Variants in MYO9A observed in about 807,000 individuals in gnomAD.
The protein encoded by MYO9A is myosin IXA.
In MYO9A, 103 loss-of-function variants were observed where a neutral mutation model predicts 293.3. The ratio of observed to expected loss-of-function variants is 0.35; its 90% CI spans 0.30 to 0.41. The LOEUF (loss-of-function observed/expected upper bound fraction) is 0.41, where lower values mean the gene tolerates loss of function less well. Ranked by LOEUF, MYO9A falls within the 10% of genes least tolerant of loss-of-function variation. The pLI, the probability that MYO9A is intolerant of heterozygous loss-of-function variation, is 1.00. For synonymous variants in MYO9A, 1,001 were observed against 1,035.7 expected, an observed-to-expected ratio of 0.97 and a Z score of 0.64; for missense variants, 2,685 against 3,033.0, an observed-to-expected ratio of 0.89 and a Z score of 2.69.
chr15:71,871,041 T>A (rs2142073023), intron 32 of MYO9A, among the ~76,000 whole-genome samples: 1 of 152,252 alleles, frequency 6.6e-6, no homozygotes, highest in South Asian at 2.1e-4. Flanking sequence ...TAAAATAAAT[T>A]CAAGAATGAT....
rs764196364 is a variant in MYO9A at position 71,903,016 on chromosome 15, T to C, written c.2925A>G (p.Pro975=). The C allele has an allele frequency of 6.3e-7, 1 of 1,589,398 alleles. No individual in the cohort carries two copies. The highest frequency in any genetic ancestry group is 2.2e-5 in the East Asian group (1 of 44,628). Residue 975 remains proline (P), a synonymous_variant, in exon 22 of 42, where the codon CCA becomes CCG. Transcript: ENST00000356056. ...AGAAATCCTGAATGTTAAATTTGGA[T>C]GGAATAATATTTCGGGGAAGAAGTA... is the stretch of plus-strand genomic sequence containing the variant. ...FHVLLPRNII[P]SKFNIQDFFR... is the part of the protein sequence containing the mutation.
At chr15:71,880,650 C>A (rs2056847042) in intron 28 of MYO9A, 92 bp from the exon 29 acceptor site, 2 of 1,113,934 alleles carry the variant, frequency 1.8e-6, no homozygotes, top group African/African-American at 3.1e-5. Context: ...TTTAACAAGT[C>A]ACTGAAGGAA....
rs60518266 is a variant in MYO9A at position 72,077,733 on chromosome 15, GAAAAAAAAA to G, written c.-71-31108_-71-31100del. The stretch of plus-strand genomic sequence containing the variant: ...CAACAGAGTGAGACTCTGTCTCAAA[GAAAAAAAAA>G]AAAAAAAAAAATATATATATATATA... On this transcript the variant is annotated intron_variant, in intron 1 of 41. Coordinates refer to ENST00000356056, the MANE Select transcript of MYO9A (RefSeq NM_006901.4). Among the ~76,000 whole-genome samples the G allele has an allele frequency of 2.2e-3, 191 of 87,412 alleles. 1 individual carries two copies. Among genetic ancestry groups the G allele is most frequent in the African/African-American group, 7.0e-3 (170 of 24,336 alleles). The allele number at this position is 87,412 out of a possible 152,430, so 57.3% of individuals were successfully genotyped here. A position where few individuals can be genotyped will look rare whatever the true frequency, so the allele number is the denominator to read the frequency against.
chr15:71,927,321 T>C (rs990119578), intron 18 of MYO9A, among the ~76,000 whole-genome samples: 2 of 152,240 alleles, frequency 1.3e-5, no homozygotes, highest in Admixed American at 1.3e-4. Flanking sequence ...CATCATTCTG[T>C]TGATTAGTTC....
intron 32 of MYO9A, among the ~76,000 whole-genome samples, chr15:71,866,086 T>C (rs905360024): frequency 6.6e-6 from 1 of 152,232 alleles, no homozygotes; most frequent in African/African-American, 2.4e-5. Context: ...TTGCAGGCAC[T>C]GCCTTGATTC....
At chr15:72,071,389 A>AG (rs2150174540) in intron 1 of MYO9A, among the ~76,000 whole-genome samples, 1 of 152,324 alleles carries the variant, frequency 6.6e-6, no homozygotes, top group Non-Finnish European at 1.5e-5. Flanking sequence ...AAAGTCAAAA[A>AG]AATAAGAGAT....
intron 12 of MYO9A, among the ~76,000 whole-genome samples, chr15:71,970,845 C>A (rs2075990549): frequency 6.6e-6 from 1 of 152,066 alleles, no homozygotes. Context: ...ACCCTCGTAG[C>A]TTTCGGGTAA....
At chr15:71,945,919 C>CTATT in intron 15 of MYO9A, among the ~76,000 whole-genome samples, 1 of 152,170 alleles carries the variant, frequency 6.6e-6, no homozygotes, top group Non-Finnish European at 1.5e-5. Flanking sequence ...TCCTAGGCTA[C>CTATT]TAAAAGTTTT....
intron 1 of MYO9A, among the ~76,000 whole-genome samples, chr15:72,082,209 T>C (rs905739505): frequency 1.3e-5 from 2 of 152,282 alleles, no homozygotes; most frequent in Admixed American, 6.5e-5. Flanking sequence ...CTTTCAGCAG[T>C]GTTTTCTAGT....
intron 18 of MYO9A, among the ~76,000 whole-genome samples, chr15:71,932,460 C>CT (rs2058504362): frequency 6.6e-6 from 1 of 151,898 alleles, no homozygotes; most frequent in Non-Finnish European, 1.5e-5. Context: ...TCTGCTCTAG[C>CT]TTTATTGCTG....
At chr15:71,921,673 AAAG>A (rs1466831210) in intron 18 of MYO9A, among the ~76,000 whole-genome samples, 1 of 152,224 alleles carries the variant, frequency 6.6e-6, no homozygotes, top group Non-Finnish European at 1.5e-5. Context: ...AAATGAATTA[AAAG>A]TAGTAAGAAG....
intron 18 of MYO9A, among the ~76,000 whole-genome samples, chr15:71,920,706 G>C (rs1393785846): frequency 6.6e-6 from 1 of 152,064 alleles, no homozygotes; most frequent in African/African-American, 2.4e-5. Context: ...CCAGCACTTC[G>C]GAAGGCTGAG....
intron 39 of MYO9A, among the ~76,000 whole-genome samples, chr15:71,848,040 G>A (rs939322774): frequency 1.3e-5 from 2 of 152,008 alleles, no homozygotes; most frequent in Admixed American, 6.5e-5. Flanking sequence ...GAGATTTATT[G>A]GGAATCTGAA....
chr15:71,968,226 C>T lies in MYO9A; in HGVS notation c.1845-101G>A. 3 of 995,430 alleles carry T rather than the reference C, an allele frequency of 3.0e-6. No homozygotes were observed. The East Asian group carries it at 8.2e-5, about 27-fold the overall frequency. 61.7% of individuals were successfully genotyped at this position (995,430 alleles called of 1,614,324 possible). ...AAGTACATTACAATTACATTGCCATCTTACATAGCAGTTTACAAAAGTTTT... is the reference window on the plus strand; with the variant it reads ...AAGTACATTACAATTACATTGCCATTTTACATAGCAGTTTACAAAAGTTTT... On this transcript the variant is annotated intron_variant, in intron 12 of 41. Transcript: ENST00000356056.
At position 71,826,951 on chromosome 15, in the gene MYO9A, A is replaced by G; in HGVS notation, c.7276T>C (p.Leu2426=). Residue 2426 remains leucine (L), a synonymous_variant, in exon 42 of 42, where the codon TTA becomes CTA. Coordinates refer to ENST00000356056, the MANE Select transcript of MYO9A (RefSeq NM_006901.4). ...RKQLKKQQDS[L]DVVDSSVSSL... is the part of the protein sequence containing the mutation. ...GAGACCGAAGAGTCCACGACATCTA[A>G]AGAGTCTTGCTGCTTTTTAAGTTGC... 6.2e-7 allele frequency: 1 copy of G among 1,614,060 alleles called. No individual in the cohort carries two copies. Among genetic ancestry groups the G allele is most frequent in the South Asian group, 1.1e-5 (1 of 91,076 alleles).
At chr15:71,850,638 C>T (rs2055594332) in intron 37 of MYO9A, among the ~76,000 whole-genome samples, 1 of 151,558 alleles carries the variant, frequency 6.6e-6, no homozygotes, top group Non-Finnish European at 1.5e-5. Flanking sequence ...TGGTGGCGCA[C>T]ACCTGTAATC....
chr15:72,077,144 GA>G (rs1380482277), intron 1 of MYO9A, among the ~76,000 whole-genome samples: 1 of 152,162 alleles, frequency 6.6e-6, no homozygotes, highest in Non-Finnish European at 1.5e-5. Context: ...CAGCATGGGG[GA>G]AAATCTTGGT....
At chr15:72,004,819 A>C (rs1478673755) in intron 8 of MYO9A, among the ~76,000 whole-genome samples, 2 of 152,174 alleles carry the variant, frequency 1.3e-5, no homozygotes, top group African/African-American at 4.8e-5. Flanking sequence ...AGGTAACTAC[A>C]AAAAAATAAC....
At chr15:71,924,113 C>A (rs540799809) in intron 18 of MYO9A, among the ~76,000 whole-genome samples, 1 of 151,978 alleles carries the variant, frequency 6.6e-6, no homozygotes, top group East Asian at 1.9e-4. Context: ...ATTTGTAGTT[C>A]AGAAGCATGT....
Sources: allele counts gnomAD v4.1 joint callset (sites outside exome capture counted in the v4.1 genomes callset), GRCh38; gene constraint gnomAD v4.1.1; transcripts MANE v1.5; gene names NCBI Gene and HGNC (gene_info 2026-07-23, HGNC 2026-07-21).